Variants in SCN11A observed in about 807,000 individuals in gnomAD.
SCN11A encodes sodium channel protein type 11 subunit alpha.
A neutral mutation model predicts 162.2 loss-of-function variants in SCN11A; 122 were observed. The observed-to-expected ratio is 0.75, with a 90% CI of 0.65 to 0.87. The LOEUF (loss-of-function observed/expected upper bound fraction) is 0.87. SCN11A is among the 40% of genes least tolerant of loss of function. The pLI is 0.00. For synonymous variants in SCN11A, 758 were observed against 751.5 expected (o/e 1.01, Z -0.14); for missense variants, 2,015 against 2,181.6 (o/e 0.92, Z 1.52).
In SCN11A at chr3:38,850,751, T is replaced by C; in HGVS notation, c.4057A>G (p.Asn1353Asp). The part of the protein sequence containing the change: ...KPQKPIPRPL[N>D]KCQGLVFDIV... ...TCGAACACGAGACCTTGACATTTGTTCTGAGAAAAAAAAGAAATTATAAAT... is the reference window on the plus strand; with the variant it reads ...TCGAACACGAGACCTTGACATTTGTCCTGAGAAAAAAAAGAAATTATAAAT... Residue 1353 changes from asparagine to aspartate, a missense_variant and splice_region_variant, in exon 29 of 30, where the codon AAC becomes GAC. Asn to Asp is a conservative substitution (Grantham distance 23, BLOSUM62 1). Transcript: ENST00000302328. The C allele has an allele frequency of 6.4e-7, 1 of 1,572,422 alleles. No homozygotes were observed. Among genetic ancestry groups the C allele is most frequent in the Non-Finnish European group, 8.6e-7 (1 of 1,161,724 alleles).
At chr3:38,946,022 A>G (rs879512467) in intron 6 of SCN11A, among the ~76,000 whole-genome samples, 1 of 152,118 alleles carries the variant, frequency 6.6e-6, no homozygotes, top group Non-Finnish European at 1.5e-5. Context: ...CTACCAACCC[A>G]TATCTTTTTC....
At chr3:38,880,583 T>TA (rs2065292820) in intron 22 of SCN11A, among the ~76,000 whole-genome samples, 1 of 152,148 alleles carries the variant, frequency 6.6e-6, no homozygotes, top group South Asian at 2.1e-4. Flanking sequence ...GCCCGTTCTC[T>TA]AAATCCTGCC....
chr3:38,846,965 C>T lies in SCN11A; in HGVS notation c.5105G>A (p.Ser1702Asn), dbSNP rs2064677286. 1 of 1,614,126 alleles carries T rather than the reference C, an allele frequency of 6.2e-7. No individual in the cohort carries two copies. Among genetic ancestry groups the T allele is most frequent in the Non-Finnish European group, 8.5e-7 (1 of 1,180,030 alleles). The change falls in exon 30 of 30, where the codon AGT (serine) becomes AAT (asparagine). Residue 1702 changes from serine to asparagine, a missense_variant. Physicochemically the swap from Ser to Asn is conservative, Grantham distance 46 (BLOSUM62 1). Coordinates refer to ENST00000302328, the MANE Select transcript of SCN11A (RefSeq NM_001349253.2). ...CTTCTCTTCCATCATTGCTTTCATA[C>T]TATCTAGGCCATCAGAGCCACCGAG... ...RVLGGSDGLD[S>N]MKAMMEEKFM...
chr3:38,852,137 G>A (rs528108097), intron 28 of SCN11A, among the ~76,000 whole-genome samples: 2 of 152,194 alleles, frequency 1.3e-5, no homozygotes, highest in South Asian at 2.1e-4. Flanking sequence ...TTAAAACCAC[G>A]GGAGTGAATT....
intron 19 of SCN11A, among the ~76,000 whole-genome samples, chr3:38,886,777 G>C (rs1165366205): frequency 2.6e-5 from 4 of 152,058 alleles, no homozygotes; most frequent in Non-Finnish European, 5.9e-5. Context: ...AAGACATAAA[G>C]AAAAATAATA....
At position 38,850,623 on chromosome 3, in the gene SCN11A, T is replaced by C. The variant is rs2064761123; in HGVS notation, c.4185A>G (p.Lys1395=). The change falls in exon 29 of 30, where the codon AAA becomes AAG. Residue 1395 remains lysine (K), a synonymous_variant. Coordinates refer to ENST00000302328, the MANE Select transcript of SCN11A (RefSeq NM_001349253.2). ...AESYNQPKAM[K]SILDHLNWVF... is the part of the protein sequence containing the mutation. The stretch of plus-strand genomic sequence containing the variant: ...CCCAGTTGAGATGGTCAAGGATGGA[T>C]TTCATGGCTTTGGGTTGGTTGTATG... 2 of 1,614,006 alleles carry C rather than the reference T, an allele frequency of 1.2e-6. No individual in the cohort carries two copies. Among genetic ancestry groups the C allele is most frequent in the Non-Finnish European group, 1.7e-6 (2 of 1,179,920 alleles).
intron 9 of SCN11A, among the ~76,000 whole-genome samples, chr3:38,922,405 G>T (rs567741414): frequency 6.6e-6 from 1 of 152,230 alleles, no homozygotes. Context: ...GATGAGTGAT[G>T]ATTGTGATTC....
rs1161269109 is a variant in SCN11A, at chr3:38,985,128, C to CT, written c.-279-24706dup. Among the ~76,000 whole-genome samples the CT allele has an allele frequency of 8.8e-3, 1,116 of 126,338 alleles. 25 individuals carry two copies. Among genetic ancestry groups the CT allele is most frequent in the Non-Finnish European group, 9.6e-3 (585 of 61,162 alleles). The allele number at this position is 126,338 out of a possible 152,430, so 82.9% of individuals were successfully genotyped here. On this transcript the variant is annotated intron_variant, in intron 2 of 29. Transcript: ENST00000302328. ...AAAAAATGTCTTTCTGGCTGGCTGT[C>CT]TTTTTTTTTTTTTTTTTGAGACAGA...
chr3:39,049,986 A>C (rs565470652), intron 1 of SCN11A, among the ~76,000 whole-genome samples: 12 of 152,302 alleles, frequency 7.9e-5, no homozygotes, highest in African/African-American at 2.9e-4. Flanking sequence ...ACAACATATC[A>C]ATTTCTAGCA....
chr3:38,908,937 C>A, intron 13 of SCN11A, 60 bp downstream of exon 13: 1 of 1,475,832 alleles, frequency 6.8e-7, no homozygotes, highest in Non-Finnish European at 9.4e-7. Flanking sequence ...GGTCACATTG[C>A]CTCTGGGGAC....
In SCN11A at chr3:38,847,463, G is replaced by A. The variant is rs766122411; in HGVS notation, c.4607C>T (p.Thr1536Ile). The A allele has an allele frequency of 1.2e-5, 19 of 1,614,098 alleles. No homozygotes were observed. The highest frequency in any genetic ancestry group is 1.6e-5 in the Non-Finnish European group (19 of 1,180,050). The change falls in exon 30 of 30, where the codon ACT becomes ATT. Residue 1536 changes from threonine to isoleucine, a missense_variant. By Grantham distance (89) the Thr-to-Ile change is moderately conservative. Transcript: ENST00000302328. ...SGIDDIFNFK[T>I]FASSMLCLFQ... ...GAGACAGAGCATGCTGCTGGCAAAA[G>A]TCTTGAAGTTGAATATGTCATCGAT... is the stretch of plus-strand genomic sequence containing the variant.
chr3:38,976,471 C>A (rs916002552), intron 2 of SCN11A, among the ~76,000 whole-genome samples: 2 of 152,136 alleles, frequency 1.3e-5, no homozygotes, highest in Non-Finnish European at 2.9e-5. Flanking sequence ...CTGAAGTCAG[C>A]AATGCTCCAA....
intron 5 of SCN11A, among the ~76,000 whole-genome samples, chr3:38,949,637 T>C (rs909775348): frequency 4.6e-5 from 7 of 152,236 alleles, no homozygotes; most frequent in Non-Finnish European, 7.3e-5. Flanking sequence ...ATCAGTATAA[T>C]GCATTATAGT....
At chr3:38,885,092 A>G (rs1414602208) in intron 21 of SCN11A, among the ~76,000 whole-genome samples, 196 bp downstream of exon 21, 1 of 152,214 alleles carries the variant, frequency 6.6e-6, no homozygotes, top group Non-Finnish European at 1.5e-5. Flanking sequence ...GAGGAGCCCA[A>G]TTAAAGCAAG....
intron 2 of SCN11A, among the ~76,000 whole-genome samples, chr3:39,001,710 AAAAC>A (rs149361919): frequency 0.24 from 35,790 of 151,248 alleles, 5,338 homozygotes; most frequent in African/African-American, 0.43. Context: ...GCATTTGTTT[AAAAC>A]AAACAAACAA....
In SCN11A at chr3:38,894,796, A is replaced by G. The variant is rs1276396462; in HGVS notation, c.2572T>C (p.Cys858Arg). 1 of 1,614,164 alleles carries G rather than the reference A, an allele frequency of 6.2e-7. No homozygotes were observed. Among genetic ancestry groups the G allele is most frequent in the Non-Finnish European group, 8.5e-7 (1 of 1,180,020 alleles). Residue 858 changes from cysteine (C) to arginine (R), a missense_variant, in exon 19 of 30, where the codon TGC becomes CGC. Coordinates refer to ENST00000302328, the MANE Select transcript of SCN11A (RefSeq NM_001349253.2). ...TGCTGTGGTAAGTTTTGCTTCCTGC[A>G]CCACTTGTGACAGAAATGCTCAAGA... ...HTLEHFCHKW[C>R]RKQNLPQQKE...
chr3:39,005,814 T>A (rs984115192), intron 2 of SCN11A, among the ~76,000 whole-genome samples: 2 of 152,258 alleles, frequency 1.3e-5, no homozygotes, highest in African/African-American at 4.8e-5. Flanking sequence ...GCTTTACTAA[T>A]TTTTTCCCCT....
chr3:38,944,469 G>A (rs1243828794), intron 7 of SCN11A, among the ~76,000 whole-genome samples: 2 of 151,800 alleles, frequency 1.3e-5, no homozygotes, highest in East Asian at 4.0e-4. Context: ...TGGGACTACA[G>A]GCACCCGCCA....
At chr3:39,047,767 A>G (rs2032219150) in intron 1 of SCN11A, among the ~76,000 whole-genome samples, 1 of 152,182 alleles carries the variant, frequency 6.6e-6, no homozygotes, top group Non-Finnish European at 1.5e-5. Context: ...CAACAAATAC[A>G]TGAAAAAAAT....
Sources: allele counts gnomAD v4.1 joint callset (sites outside exome capture counted in the v4.1 genomes callset), GRCh38; gene constraint gnomAD v4.1.1; transcripts MANE v1.5; gene names NCBI Gene and HGNC (gene_info 2026-07-23, HGNC 2026-07-21).